The following UBAC1 variants were observed in gnomAD, a reference collection of about 807,000 sequenced individuals.
The protein encoded by UBAC1 is ubiquitin-associated domain-containing protein 1.
UBAC1 carries 27 observed loss-of-function variants against 45.9 expected under a neutral mutation model. The ratio of observed to expected loss-of-function variants is 0.59; its 90% CI spans 0.43 to 0.81. The LOEUF (loss-of-function observed/expected upper bound fraction) is 0.81, where lower values mean the gene tolerates loss of function less well. Among genes scored for constraint, UBAC1 ranks in the 30% least tolerant of loss-of-function variants. The probability of loss-of-function intolerance (pLI) is 0.00; values close to 1 mark genes in which losing one functional copy is unlikely to be tolerated. For missense variants in UBAC1, 529 were observed against 539.2 expected, an observed-to-expected ratio of 0.98 and a Z score of 0.19; for synonymous variants, 227 against 215.5, an observed-to-expected ratio of 1.05 and a Z score of -0.47.
At chr9:135,935,108 G>C (rs1463720258) in intron 9 of UBAC1, among the ~76,000 whole-genome samples, 1 of 152,002 alleles carries the variant, frequency 6.6e-6, no homozygotes, top group Non-Finnish European at 1.5e-5. Flanking sequence ...TGTTACCCAG[G>C]CTGGTCTCGA....
chr9:135,959,200 G>A (rs1839503413), intron 1 of UBAC1, among the ~76,000 whole-genome samples: 1 of 152,154 alleles, frequency 6.6e-6, no homozygotes, highest in Non-Finnish European at 1.5e-5. Context: ...TCGATGCAGT[G>A]TGGGGTCCAC....
intron 8 of UBAC1, among the ~76,000 whole-genome samples, chr9:135,938,644 A>G (rs1839228293): frequency 6.6e-6 from 1 of 152,266 alleles, no homozygotes; most frequent in Non-Finnish European, 1.5e-5. Flanking sequence ...TACCTGGGCC[A>G]GTGTGGCCCA....
chr9:135,948,336 G>A (rs954003285), intron 3 of UBAC1, among the ~76,000 whole-genome samples: 1 of 152,270 alleles, frequency 6.6e-6, no homozygotes, highest in Non-Finnish European at 1.5e-5. Flanking sequence ...CAAAAGTGAT[G>A]GGAGAGGAAC....
intron 9 of UBAC1, among the ~76,000 whole-genome samples, chr9:135,937,117 T>G (rs1010558690): frequency 5.3e-5 from 8 of 152,082 alleles, no homozygotes; most frequent in Non-Finnish European, 1.2e-4. Flanking sequence ...CAGAGACACT[T>G]CCAGCCTGCT....
chr9:135,957,998 A>G (rs960818923), intron 1 of UBAC1, among the ~76,000 whole-genome samples: 1 of 149,130 alleles, frequency 6.7e-6, no homozygotes, highest in East Asian at 2.0e-4. Context: ...CTGGAATTTC[A>G]TGAATGTTTA....
In UBAC1 at chr9:135,943,313, C is replaced by T. The variant is rs148952304; in HGVS notation, c.876+1715G>A. ...GTGTGTGCCTGTAGTCCCAGCTACTCAGGAGGCTGAGGCAGGAAGAATCCA... is the reference window on the plus strand; with the variant it reads ...GTGTGTGCCTGTAGTCCCAGCTACTTAGGAGGCTGAGGCAGGAAGAATCCA... On this transcript the variant is annotated intron_variant, in intron 7 of 9. Transcript: ENST00000371756. Among the ~76,000 whole-genome samples, 243 of 152,238 alleles carry T rather than the reference C, an allele frequency of 1.6e-3. 1 individual carries two copies. The highest frequency in any genetic ancestry group is 5.4e-3 in the African/African-American group (225 of 41,538).
chr9:135,960,971 AG>A, intron 1 of UBAC1, 53 bp downstream of exon 1: 1 of 1,406,158 alleles, frequency 7.1e-7, no homozygotes, highest in Non-Finnish European at 9.3e-7. Flanking sequence ...CGGGGTCCGC[AG>A]TCGGAGGGGT....
At chr9:135,951,186 C>T (rs1193554813) in intron 3 of UBAC1, among the ~76,000 whole-genome samples, 1 of 152,124 alleles carries the variant, frequency 6.6e-6, no homozygotes, top group Non-Finnish European at 1.5e-5. Context: ...CTCAAGTGAT[C>T]CTCCCACCTC....
intron 7 of UBAC1, among the ~76,000 whole-genome samples, chr9:135,942,586 A>T (rs1839282414): frequency 6.6e-6 from 1 of 151,168 alleles, no homozygotes; most frequent in Non-Finnish European, 1.5e-5. Context: ...CAGGAGGTCA[A>T]GGCTGCAGTG....
intron 3 of UBAC1, among the ~76,000 whole-genome samples, chr9:135,952,050 G>C (rs1839412162): frequency 6.6e-6 from 1 of 152,220 alleles, no homozygotes; most frequent in African/African-American, 2.4e-5. Flanking sequence ...TGAGAACTGT[G>C]AATGCTGCCT....
At chr9:135,933,631 G>T in intron 9 of UBAC1, 116 bp from the exon 10 acceptor site, 2 of 731,142 alleles carry the variant, frequency 2.7e-6, no homozygotes, top group East Asian at 2.5e-5. Flanking sequence ...CCAATACAAA[G>T]GCCACACAGA....
chr9:135,945,203 T>C lies in UBAC1; in HGVS notation c.701A>G (p.Asp234Gly). ...AMEWLIEHAE[D>G]PTIDTPLPGQ... ...AGGAAGAGGCGTGTCTATGGTCGGGTCTTCTGCGTGTTCAATTAGCCACTC... is the reference window on the plus strand; with the variant it reads ...AGGAAGAGGCGTGTCTATGGTCGGGCCTTCTGCGTGTTCAATTAGCCACTC... The change falls in exon 7 of 10, where the codon GAC becomes GGC. Residue 234 changes from aspartate to glycine, a missense_variant. Asp to Gly is a moderately conservative substitution (Grantham distance 94). Coordinates refer to ENST00000371756, the MANE Select transcript of UBAC1 (RefSeq NM_016172.3). The C allele has an allele frequency of 6.2e-7, 1 of 1,609,496 alleles. No homozygotes were observed. The highest frequency in any genetic ancestry group is 1.1e-5 in the South Asian group (1 of 90,660).
chr9:135,953,698 A>G lies in UBAC1; in HGVS notation c.315T>C (p.Asp105=). Residue 105 remains aspartate (D), a synonymous_variant, in exon 3 of 10, where the codon GAT becomes GAC. Coordinates refer to ENST00000371756, the MANE Select transcript of UBAC1 (RefSeq NM_016172.3). ...AATTTACCTTTTCTTCTGCTGAGACATCAGCCATCTTGGGAAGTGGTGATG... is the reference window on the plus strand; with the variant it reads ...AATTTACCTTTTCTTCTGCTGAGACGTCAGCCATCTTGGGAAGTGGTGATG... ...RAPSPLPKMA[D]VSAEEKKKQD... is the part of the protein sequence containing the mutation. The G allele has an allele frequency of 6.2e-7, 1 of 1,613,982 alleles. No homozygotes were observed. The highest frequency in any genetic ancestry group is 8.5e-7 in the Non-Finnish European group (1 of 1,179,894).
intron 4 of UBAC1, 196 bp downstream of exon 4, chr9:135,947,602 T>G: frequency 2.0e-6 from 1 of 495,656 alleles, no homozygotes; most frequent in Non-Finnish European, 3.5e-6. Flanking sequence ...CAGATGGCTT[T>G]CCAACTCTTA....
intron 9 of UBAC1, among the ~76,000 whole-genome samples, chr9:135,936,107 T>TG (rs1258168387): frequency 2.0e-5 from 3 of 150,920 alleles, no homozygotes; most frequent in African/African-American, 7.3e-5. Flanking sequence ...GTGTGTGTGC[T>TG]GGGGGCAGAT....
chr9:135,955,439 G>A (rs558480288), intron 1 of UBAC1, 24 bp from the exon 2 acceptor site: 50 of 1,507,744 alleles, frequency 3.3e-5, no homozygotes, highest in Non-Finnish European at 4.3e-5. Context: ...GAAATTTCAA[G>A]GTAGAAAATA....
chr9:135,951,869 C>T (rs1244935271), intron 3 of UBAC1, among the ~76,000 whole-genome samples: 2 of 152,134 alleles, frequency 1.3e-5, no homozygotes, highest in African/African-American at 4.8e-5. Flanking sequence ...TATGAACTGA[C>T]ATCTTACAAT....
intron 3 of UBAC1, among the ~76,000 whole-genome samples, chr9:135,950,181 C>T (rs1839390981): frequency 6.6e-6 from 1 of 152,262 alleles, no homozygotes; most frequent in South Asian, 2.1e-4. Context: ...CAGAAACCAG[C>T]TGAGCTCACC....
At chr9:135,947,307 G>A (rs7870592) in intron 4 of UBAC1, among the ~76,000 whole-genome samples, 7,105 of 151,884 alleles carry the variant, frequency 0.047, 292 homozygotes, top group African/African-American at 0.11. Context: ...GCTGGAGTAC[G>A]ATGATGCAAT....
Sources: allele counts gnomAD v4.1 joint callset (sites outside exome capture counted in the v4.1 genomes callset), GRCh38; gene constraint gnomAD v4.1.1; transcripts MANE v1.5; gene names NCBI Gene and HGNC (gene_info 2026-07-23, HGNC 2026-07-21).